TRIP4: variants seen among roughly 807,000 people sequenced by gnomAD.
TRIP4 encodes activating signal cointegrator 1.
Under a neutral mutation model 81.8 loss-of-function variants are expected in TRIP4, and 54 were observed. That is an observed-to-expected ratio of 0.66 (90% CI 0.53 to 0.83). TRIP4 has a LOEUF of 0.83. Among genes scored for constraint, TRIP4 ranks in the 40% least tolerant of loss-of-function variants. TRIP4 has a pLI of 0.00. For synonymous variants in TRIP4, 270 were observed against 242.8 expected (o/e 1.11, Z -1.04); for missense variants, 662 against 683.6 (o/e 0.97, Z 0.35).
At chr15:64,396,062 C>T (rs571183687) in intron 3 of TRIP4, among the ~76,000 whole-genome samples, 1 of 151,386 alleles carries the variant, frequency 6.6e-6, no homozygotes, top group East Asian at 2.0e-4. Flanking sequence ...GCGCACACTG[C>T]CACGCCCAGC....
At chr15:64,422,336 C>T (rs1040983178) in intron 9 of TRIP4, among the ~76,000 whole-genome samples, 18 of 152,166 alleles carry the variant, frequency 1.2e-4, no homozygotes, top group Non-Finnish European at 5.9e-5. Flanking sequence ...AGGCTTCAGA[C>T]GTTTCTCTAC....
intron 1 of TRIP4, among the ~76,000 whole-genome samples, chr15:64,391,786 A>G (rs1900137887): frequency 1.3e-5 from 2 of 151,542 alleles, no homozygotes; most frequent in African/African-American, 4.8e-5. Context: ...CCTGCCCAAC[A>G]TGGCAAAACC....
chr15:64,449,362 G>T (rs572731573), intron 12 of TRIP4, among the ~76,000 whole-genome samples: 7 of 149,108 alleles, frequency 4.7e-5, no homozygotes, highest in African/African-American at 1.7e-4. Flanking sequence ...AAATATATTC[G>T]AAATTCCAAA....
chr15:64,401,344 C>T (rs1348234679), intron 5 of TRIP4, among the ~76,000 whole-genome samples: 3 of 152,100 alleles, frequency 2.0e-5, no homozygotes, highest in African/African-American at 7.2e-5. Flanking sequence ...ACCATGTTAG[C>T]CAGGATGGTC....
At chr15:64,436,126 C>T (rs1247211262) in intron 11 of TRIP4, among the ~76,000 whole-genome samples, 1 of 151,990 alleles carries the variant, frequency 6.6e-6, no homozygotes, top group East Asian at 1.9e-4. Flanking sequence ...GAAACCCTGT[C>T]TCTACTAAAA....
chr15:64,430,073 G>T (rs998423795), intron 11 of TRIP4, among the ~76,000 whole-genome samples: 1 of 152,146 alleles, frequency 6.6e-6, no homozygotes, highest in Non-Finnish European at 1.5e-5. Flanking sequence ...AAATCGAAAA[G>T]GTTTTGTTAG....
Position 64,396,163 on chromosome 15 carries a change from C to T in TRIP4, c.405+632C>T, listed in dbSNP as rs1269939581. 3.3e-5 allele frequency among the ~76,000 whole-genome samples: 5 copies of T among 151,930 alleles called. No homozygotes were observed. In the East Asian group the frequency reaches 5.8e-4, roughly 18 times the overall value. ...AGCTCAGGCAATCCACCCACCTTGG[C>T]CTCCCAAAGTGCTAGGATTACAGGC... is the stretch of plus-strand genomic sequence containing the variant. On this transcript the variant is annotated intron_variant, in intron 3 of 12. Transcript: ENST00000261884.
intron 4 of TRIP4, 145 bp downstream of exon 4, chr15:64,397,963 C>T (rs1900342722): frequency 8.2e-6 from 7 of 852,750 alleles, no homozygotes; most frequent in Non-Finnish European, 8.8e-6. Flanking sequence ...TGCAGTGGCA[C>T]GATCTCGGCT....
At chr15:64,391,522 T>G (rs1308300889) in intron 1 of TRIP4, among the ~76,000 whole-genome samples, 1 of 152,110 alleles carries the variant, frequency 6.6e-6, no homozygotes, top group Non-Finnish European at 1.5e-5. Flanking sequence ...CAAAATAAAC[T>G]TTGGTCCACA....
At chr15:64,439,076 A>T (rs183943765) in intron 11 of TRIP4, among the ~76,000 whole-genome samples, 122 of 152,236 alleles carry the variant, frequency 8.0e-4, no homozygotes, top group Non-Finnish European at 1.5e-3. Context: ...TCTTTATTCA[A>T]CCCTAGTCAA....
intron 1 of TRIP4, among the ~76,000 whole-genome samples, chr15:64,392,541 C>T (rs1900166203): frequency 6.6e-6 from 1 of 151,954 alleles, no homozygotes; most frequent in African/African-American, 2.4e-5. Context: ...CCATGTTGGC[C>T]AAGCTGGTCT....
intron 7 of TRIP4, 25 bp downstream of exon 7, chr15:64,409,853 T>G (rs1345033637): frequency 1.3e-6 from 2 of 1,599,086 alleles, no homozygotes; most frequent in South Asian, 2.2e-5. Flanking sequence ...CTAGAAAGGG[T>G]CTCAAAGAAG....
chr15:64,395,247 G>A (rs1344689049), intron 2 of TRIP4, 151 bp from the exon 3 acceptor site: 3 of 644,940 alleles, frequency 4.7e-6, no homozygotes, highest in East Asian at 3.1e-5. Context: ...ATTTAATTCT[G>A]GTTTGACAGG....
intron 6 of TRIP4, among the ~76,000 whole-genome samples, 168 bp from the exon 7 acceptor site, chr15:64,409,445 T>A (rs1218360088): frequency 6.6e-6 from 1 of 152,120 alleles, no homozygotes; most frequent in Non-Finnish European, 1.5e-5. Context: ...TGCCTGAGGT[T>A]GAGATAAGTT....
At chr15:64,424,312 C>G (rs138632509) in intron 10 of TRIP4, 157 bp downstream of exon 10, 1 of 986,450 alleles carries the variant, frequency 1.0e-6, no homozygotes, top group Non-Finnish European at 1.5e-6. Context: ...TCATTGACAG[C>G]GTTCAAAGCA....
intron 9 of TRIP4, 91 bp downstream of exon 9, chr15:64,418,819 C>A: frequency 8.0e-7 from 1 of 1,246,826 alleles, no homozygotes; most frequent in Non-Finnish European, 1.1e-6. Context: ...TTTCCTCAAT[C>A]TAGTGATGAT....
rs1465283622 is a variant in TRIP4 at position 64,419,789 on chromosome 15, C to T, written c.1358+1061C>T. Among the ~76,000 whole-genome samples the T allele has an allele frequency of 3.3e-5, 5 of 152,140 alleles. No homozygotes were observed. The South Asian group carries it at 1.0e-3, about 32-fold the overall frequency. ...TTACCTATAATCCCACACCAAGAAA[C>T]CGCTGTTATTAGCATTTTGGAGTGT... On this transcript the variant is annotated intron_variant, in intron 9 of 12. Transcript: ENST00000261884.
chr15:64,443,151 G>GAGT (rs1892556498), intron 11 of TRIP4, among the ~76,000 whole-genome samples: 1 of 152,210 alleles, frequency 6.6e-6, no homozygotes, highest in African/African-American at 2.4e-5. Flanking sequence ...TAAAGGCAGG[G>GAGT]AGTACAGATA....
chr15:64,451,488 T>TG (rs1892755815), intron 12 of TRIP4, among the ~76,000 whole-genome samples: 1 of 36,038 alleles, frequency 2.8e-5, no homozygotes, highest in African/African-American at 1.1e-4. Context: ...TTTTTTTTTT[T>TG]GGGGAGTGGG....
Sources: gnomAD v4.1 joint callset for allele counts (sites outside exome capture counted in the v4.1 genomes callset) on GRCh38, gnomAD v4.1.1 for gene constraint, MANE v1.5 for transcripts, NCBI Gene and HGNC (gene_info 2026-07-23, HGNC 2026-07-21) for gene names.